NIN: variants seen among roughly 807,000 people sequenced by gnomAD.
The protein encoded by NIN is glycogen synthase kinase 3 beta-interacting protein.
NIN carries 137 observed loss-of-function variants against 257.6 expected under a neutral mutation model. The observed-to-expected ratio is 0.53, with a 90% confidence interval of 0.46 to 0.61. The LOEUF is 0.61. NIN is among the 20% of genes least tolerant of loss of function. The probability of loss-of-function intolerance (pLI) is 0.00; values close to 1 mark genes in which losing one functional copy is unlikely to be tolerated. For missense variants in NIN, 2,439 were observed against 2,501.2 expected, an observed-to-expected ratio of 0.98 and a Z score of 0.53; for synonymous variants, 918 against 919.8, an observed-to-expected ratio of 1.00 and a Z score of 0.04.
At chr14:50,810,813 A>G (rs1244135065) in intron 3 of NIN, among the ~76,000 whole-genome samples, 1 of 151,656 alleles carries the variant, frequency 6.6e-6, no homozygotes, top group Non-Finnish European at 1.5e-5. Context: ...GGCGCCCACC[A>G]CCATGCCTGG....
At chr14:50,770,327 G>A in intron 12 of NIN, 61 bp downstream of exon 12, 1 of 1,526,848 alleles carries the variant, frequency 6.5e-7, no homozygotes, top group Non-Finnish European at 8.9e-7. Flanking sequence ...TTCCAAAGCT[G>A]TAGTTTTCCA....
chr14:50,824,338 A>G (rs1157292025), intron 2 of NIN, among the ~76,000 whole-genome samples: 1 of 152,182 alleles, frequency 6.6e-6, no homozygotes, highest in East Asian at 1.9e-4. Flanking sequence ...TCACTAAATC[A>G]AACCTCTTTC....
chr14:50,776,230 T>A (rs568205668), intron 7 of NIN, among the ~76,000 whole-genome samples: 1 of 152,188 alleles, frequency 6.6e-6, no homozygotes, highest in Non-Finnish European at 1.5e-5. Context: ...TTCACAGCTA[T>A]TCATGCACCC....
chr14:50,727,177 T>G (rs1464673042), intron 29 of NIN: 22 of 735,660 alleles, frequency 3.0e-5, no homozygotes, highest in Non-Finnish European at 3.7e-5. Flanking sequence ...AAAAGATAAT[T>G]CAAAGAACAT....
chr14:50,739,453 C>G lies in NIN; in HGVS notation c.5483G>C (p.Gly1828Ala), dbSNP rs143884545. The G allele has an allele frequency of 2.1e-4, 337 of 1,614,014 alleles. 1 individual carries two copies. The highest frequency in any genetic ancestry group is 2.5e-4 in the Non-Finnish European group (300 of 1,180,022). The stretch of plus-strand genomic sequence containing the variant: ...CAGCCTTTTCTGCTGGTTATGGAGC[C>G]CTGATGGATGAGTAGCTATCTCTGG... The part of the protein sequence containing the change: ...WAPEIATHPS[G>A]LHNQQKRLSW... The change falls in exon 26 of 31, where the codon GGG becomes GCG. Residue 1828 changes from glycine to alanine, a missense_variant. Gly to Ala is a moderately conservative substitution (Grantham distance 60). Coordinates refer to ENST00000530997, the MANE Select transcript of NIN (RefSeq NM_020921.4).
In NIN at chr14:50,727,752, C is replaced by T. The variant is rs1310109020; in HGVS notation, c.6079-1686G>A. 3 of 1,422,814 alleles carry T rather than the reference C, an allele frequency of 2.1e-6. No homozygotes were observed. Among genetic ancestry groups the T allele is most frequent in the Non-Finnish European group, 2.8e-6 (3 of 1,055,396 alleles). The allele number at this position is 1,422,814 out of a possible 1,614,324, so 88.1% of individuals were successfully genotyped here. On this transcript the variant is annotated intron_variant, in intron 29 of 30. Transcript: ENST00000530997. ...CTGCTCGCTGCTCCGGTAGCAAGGC[C>T]TAGAGAAAGAAGGCAAGTAGTACAC...
intron 1 of NIN, chr14:50,830,730 G>GT (rs2045669045): frequency 6.6e-6 from 1 of 151,552 alleles, no homozygotes; most frequent in East Asian, 2.0e-4. Flanking sequence ...CCGCCGGCCC[G>GT]CCCCCGCCCG....
At chr14:50,770,325 C>A in intron 12 of NIN, 63 bp downstream of exon 12, 1 of 1,519,042 alleles carries the variant, frequency 6.6e-7, no homozygotes, top group Non-Finnish European at 9.0e-7. Flanking sequence ...ACTTCCAAAG[C>A]TGTAGTTTTC....
At chr14:50,767,793 G>T (rs1440755179) in intron 12 of NIN, among the ~76,000 whole-genome samples, 7 of 150,140 alleles carry the variant, frequency 4.7e-5, no homozygotes, top group Admixed American at 4.6e-4. Flanking sequence ...CTCCAGCCTG[G>T]GCGACACAGC....
chr14:50,741,174 G>A (rs1451745784), intron 25 of NIN, among the ~76,000 whole-genome samples: 1 of 151,760 alleles, frequency 6.6e-6, no homozygotes, highest in Non-Finnish European at 1.5e-5. Context: ...TTTTTTTAAG[G>A]TCACACAAAT....
intron 20 of NIN, 111 bp downstream of exon 20, chr14:50,754,452 C>G (rs937732109): frequency 1.2e-6 from 1 of 815,090 alleles, no homozygotes; most frequent in Non-Finnish European, 1.9e-6. Context: ...TACAACCTTA[C>G]CATCATTAGC....
At chr14:50,803,384 C>G (rs894672874) in intron 4 of NIN, among the ~76,000 whole-genome samples, 1 of 152,046 alleles carries the variant, frequency 6.6e-6, no homozygotes, top group Non-Finnish European at 1.5e-5. Context: ...CAGACCTGGC[C>G]CCTTCTGGTA....
At chr14:50,798,384 C>T (rs1194322959) in intron 4 of NIN, among the ~76,000 whole-genome samples, 1 of 152,158 alleles carries the variant, frequency 6.6e-6, no homozygotes, top group African/African-American at 2.4e-5. Flanking sequence ...TTAGCCTTGC[C>T]CAGGAGGAAG....
intron 3 of NIN, among the ~76,000 whole-genome samples, chr14:50,820,056 C>A (rs1436545973): frequency 3.3e-5 from 5 of 152,088 alleles, no homozygotes; most frequent in African/African-American, 7.2e-5. Flanking sequence ...TTAAAAAATG[C>A]AAATTTAACA....
chr14:50,769,453 G>A (rs2042637318), intron 12 of NIN, among the ~76,000 whole-genome samples: 1 of 152,138 alleles, frequency 6.6e-6, no homozygotes, highest in Non-Finnish European at 1.5e-5. Context: ...CTTGAGGCCA[G>A]GGTTTGATAC....
intron 4 of NIN, among the ~76,000 whole-genome samples, chr14:50,794,877 T>C (rs1380023059): frequency 5.3e-5 from 8 of 151,910 alleles, no homozygotes; most frequent in South Asian, 4.2e-4. Flanking sequence ...TACTACTCAC[T>C]ACCCCACGTA....
Position 50,756,753 on chromosome 14 carries a change from T to C in NIN, c.4277A>G (p.Gln1426Arg). 1 of 1,551,672 alleles carries C rather than the reference T, an allele frequency of 6.4e-7. No homozygotes were observed. Among genetic ancestry groups the C allele is most frequent in the South Asian group, 1.2e-5 (1 of 84,076 alleles). The change falls in exon 18 of 31, where the codon CAG (glutamine) becomes CGG (arginine). Residue 1426 changes from glutamine (Q) to arginine (R), a missense_variant. This residue lies in a region of NIN where 2,043 missense variants were observed against 2,050.2 expected (regional missense o/e 1.00). Coordinates refer to ENST00000530997, the MANE Select transcript of NIN (RefSeq NM_020921.4). ...IQTHQERPRV[Q>R]NQVILEENTT... ...GTTTTCCTCCAGTATAACTTGATTC[T>C]GTACTCTTGGCCTTTCTTGATGTGT...
intron 4 of NIN, among the ~76,000 whole-genome samples, chr14:50,797,295 C>G (rs2043882766): frequency 6.6e-6 from 1 of 152,186 alleles, no homozygotes; most frequent in South Asian, 2.1e-4. Context: ...GAAGAAAACC[C>G]TGTCGTTAGG....
chr14:50,818,040 A>G (rs1403156219), intron 3 of NIN, among the ~76,000 whole-genome samples: 1 of 150,050 alleles, frequency 6.7e-6, no homozygotes, highest in African/African-American at 2.4e-5. Context: ...AAAACTGGAT[A>G]TGGCCGGGCA....
Sources: gnomAD v4.1 joint callset for allele counts (sites outside exome capture counted in the v4.1 genomes callset) on GRCh38, gnomAD v4.1.1 for gene constraint, gnomAD v4.1.1 regional missense constraint, MANE v1.5 for transcripts, NCBI Gene and HGNC (gene_info 2026-07-23, HGNC 2026-07-21) for gene names.